STAMBP: variants seen among roughly 807,000 people sequenced by gnomAD.
STAMBP encodes STAM binding protein.
Under a neutral mutation model 50.7 loss-of-function variants are expected in STAMBP, and 31 were observed. The observed-to-expected ratio is 0.61, with a 90% CI of 0.46 to 0.83. The LOEUF (loss-of-function observed/expected upper bound fraction) is 0.83. Among genes scored for constraint, STAMBP ranks in the 40% least tolerant of loss-of-function variants. The pLI is 0.00. For missense variants in STAMBP, 472 were observed against 518.9 expected (o/e 0.91, Z 0.88); for synonymous variants, 211 against 192.4 (o/e 1.10, Z -0.80).
intron 2 of STAMBP, among the ~76,000 whole-genome samples, chr2:73,832,021 A>G (rs934972956): frequency 6.7e-6 from 1 of 149,248 alleles, no homozygotes; most frequent in African/African-American, 2.5e-5. Flanking sequence ...TTGAGATCAT[A>G]GTCATGAGCC....
intron 9 of STAMBP, among the ~76,000 whole-genome samples, chr2:73,861,069 C>G (rs1339186787): frequency 6.6e-6 from 1 of 152,132 alleles, no homozygotes; most frequent in Non-Finnish European, 1.5e-5. Context: ...TGTCTAAGTA[C>G]TAGGATGTTG....
At position 73,845,175 on chromosome 2, in the gene STAMBP, G is replaced by A. The variant is rs369268210; in HGVS notation, c.288G>A (p.Lys96=). The A allele has an allele frequency of 6.1e-5, 99 of 1,613,640 alleles. No homozygotes were observed. The highest frequency in any genetic ancestry group is 8.1e-5 in the Non-Finnish European group (96 of 1,179,744). Residue 96 remains lysine, a synonymous_variant, in exon 4 of 10, where the codon AAG becomes AAA. Coordinates refer to ENST00000394070, the MANE Select transcript of STAMBP (RefSeq NM_213622.4). ...PEKKDTVKKL[K]EIAFPKAEEL... is the part of the protein sequence containing the mutation. The stretch of plus-strand genomic sequence containing the variant: ...TCTGTTTTGTGTCTCAGAAATTAAA[G>A]GAGATTGCATTTCCCAAAGCAGAAG...
intron 9 of STAMBP, among the ~76,000 whole-genome samples, chr2:73,861,711 T>G (rs1256083171): frequency 6.9e-6 from 1 of 145,008 alleles, no homozygotes; most frequent in Non-Finnish European, 1.5e-5. Context: ...TTTTTTTTAG[T>G]AGGGTCAGGG....
At chr2:73,847,107 T>C (rs1188180980) in intron 4 of STAMBP, among the ~76,000 whole-genome samples, 1 of 147,026 alleles carries the variant, frequency 6.8e-6, no homozygotes, top group African/African-American at 2.5e-5. Context: ...AAGATTTCAG[T>C]GAAGAGGAAA....
exon 11 of STAMBP, chr2:73,873,626 GA>G (rs1387546575): frequency 6.6e-6 from 1 of 152,198 alleles, no homozygotes; most frequent in Non-Finnish European, 1.5e-5. Flanking sequence ...CCCTGTCCAA[GA>G]AAATTAAACT....
In STAMBP at chr2:73,850,399, C is replaced by T. The variant is rs150793338; in HGVS notation, c.891C>T (p.Thr297=). 1.5e-4 allele frequency: 246 copies of T among 1,612,476 alleles called. No individual in the cohort carries two copies. The highest frequency in any genetic ancestry group is 1.8e-4 in the Non-Finnish European group (216 of 1,179,452). ...AGATGAGGAATGAATTTACCATTAC[C>T]CATGTTCTCATCCCCAAGCAAAGTG... The part of the protein sequence containing the change: ...GKLMRNEFTI[T]HVLIPKQSAG... The change falls in exon 7 of 10, where the codon ACC becomes ACT. Residue 297 remains threonine, a synonymous_variant. Coordinates refer to ENST00000394070, the MANE Select transcript of STAMBP (RefSeq NM_213622.4). This position sits in a 1 kb window ranked among gnomAD's most constrained non-coding sequence, Gnocchi z 4.3.
At position 73,840,564 on chromosome 2, in the gene STAMBP, C is replaced by T. The variant is rs766699810; in HGVS notation, c.204-4249C>T. Among the ~76,000 whole-genome samples the T allele has an allele frequency of 2.6e-5, 4 of 151,286 alleles. 1 individual carries two copies. Among genetic ancestry groups the T allele is most frequent in the African/African-American group, 7.3e-5 (3 of 41,314 alleles). ...TTGGAGACCAGCCTGGTCAACATGG[C>T]GAAACCCCATCTCTACTAAAAATAC... On this transcript the variant is annotated intron_variant, in intron 2 of 9. Coordinates refer to ENST00000394070, the MANE Select transcript of STAMBP (RefSeq NM_213622.4).
intron 2 of STAMBP, among the ~76,000 whole-genome samples, chr2:73,836,015 T>A (rs1398902935): frequency 6.6e-6 from 1 of 152,150 alleles, no homozygotes; most frequent in Non-Finnish European, 1.5e-5. Flanking sequence ...AGAAATTAAT[T>A]TTATTCTTAT....
rs10193297 is a variant in STAMBP, at chr2:73,861,636, A to G, written c.1219-567A>G. On this transcript the variant is annotated intron_variant, in intron 9 of 9. Coordinates refer to ENST00000394070, the MANE Select transcript of STAMBP (RefSeq NM_213622.4). The stretch of plus-strand genomic sequence containing the variant: ...CAGGTTCAAACAATTCTGCTGCCTC[A>G]GCCTCTCGAGTAGCTGGGACTACAG... Among the ~76,000 whole-genome samples, 1,041 of 151,100 alleles carry G rather than the reference A, an allele frequency of 6.9e-3. 12 individuals carry two copies. The highest frequency in any genetic ancestry group is 0.021 in the African/African-American group (879 of 41,086).
intron 7 of STAMBP, among the ~76,000 whole-genome samples, chr2:73,856,375 C>T (rs1267486383): frequency 6.6e-6 from 1 of 152,258 alleles, no homozygotes; most frequent in African/African-American, 2.4e-5. Context: ...AAGTCCTTGA[C>T]TTCCACCATG....
At chr2:73,854,576 A>G (rs568195910) in intron 7 of STAMBP, among the ~76,000 whole-genome samples, 9 of 152,302 alleles carry the variant, frequency 5.9e-5, no homozygotes, top group Non-Finnish European at 7.3e-5. Flanking sequence ...CCTGGGCCCA[A>G]GTGATCCTCC....
rs1160540564 is a variant in STAMBP at position 73,863,449 on chromosome 2, G to A, written c.*1190G>A. 4 of 152,140 alleles carry A rather than the reference G, an allele frequency of 2.6e-5. No individual in the cohort carries two copies. The highest frequency in any genetic ancestry group is 7.2e-5 in the African/African-American group (3 of 41,422). The allele number at this position is 152,140 out of a possible 1,614,324, so 9.4% of individuals were successfully genotyped here. On this transcript the variant is annotated 3_prime_UTR_variant, in exon 10 of 10. Transcript: ENST00000394070. ...ATTCTTTATCAGAATTCTAGGTGGG[G>A]GAGGGAGAATCTGTGAATGCATAAA...
chr2:73,847,337 G>A (rs1676244034), intron 4 of STAMBP, 50 bp from the exon 5 acceptor site: 2 of 1,537,422 alleles, frequency 1.3e-6, no homozygotes, highest in Non-Finnish European at 1.7e-6. Flanking sequence ...CTCCTGAAGT[G>A]TGAAGTCACT....
intron 6 of STAMBP, among the ~76,000 whole-genome samples, chr2:73,849,863 G>C (rs1676590707): frequency 6.6e-6 from 1 of 152,172 alleles, no homozygotes; most frequent in South Asian, 2.1e-4. Context: ...ATGCACTAAA[G>C]TCTAACCAGC....
chr2:73,839,981 T>TG (rs1207468513), intron 2 of STAMBP, among the ~76,000 whole-genome samples: 4 of 152,326 alleles, frequency 2.6e-5, no homozygotes, highest in Non-Finnish European at 5.9e-5. Context: ...CTTACTCAAA[T>TG]GCCTCCTTCT....
downstream of STAMBP, among the ~76,000 whole-genome samples, chr2:73,871,207 T>C (rs1319340814): frequency 6.6e-6 from 1 of 152,192 alleles, no homozygotes; most frequent in Non-Finnish European, 1.5e-5. Flanking sequence ...AGCTGGCCTA[T>C]GAGGAAACCA....
At chr2:73,839,981 T>C (rs75032895) in intron 2 of STAMBP, among the ~76,000 whole-genome samples, 3,072 of 152,318 alleles carry the variant, frequency 0.02, 105 homozygotes, top group African/African-American at 0.067. Context: ...CTTACTCAAA[T>C]GCCTCCTTCT....
chr2:73,847,896 G>T (rs779363809), intron 5 of STAMBP, 143 bp downstream of exon 5: 1 of 1,116,856 alleles, frequency 9.0e-7, no homozygotes, highest in Non-Finnish European at 1.3e-6. Flanking sequence ...TTGCTGTACT[G>T]TGTCCTAATA....
Position 73,847,579 on chromosome 2 carries a change from C to G in STAMBP, c.568C>G (p.Pro190Ala). 6.2e-7 allele frequency: 1 copy of G among 1,614,072 alleles called. No homozygotes were observed. The highest frequency in any genetic ancestry group is 1.3e-5 in the African/African-American group (1 of 75,026). The stretch of plus-strand genomic sequence containing the variant: ...TGTACAGGAGTTTGGGAAGGTAGAC[C>G]CTGGCCTAGGTGGCCCGCTAGTGCC... Reference protein sequence around the residue: ...KIVQEFGKVDPGLGGPLVPDL... With the variant: ...KIVQEFGKVDAGLGGPLVPDL... The change falls in exon 5 of 10, where the codon CCT (proline) becomes GCT (alanine). Residue 190 changes from proline (P) to alanine (A), a missense_variant. Transcript: ENST00000394070.
Sources: gnomAD v4.1 joint callset for allele counts (sites outside exome capture counted in the v4.1 genomes callset) on GRCh38, gnomAD v4.1.1 for gene constraint, Gnocchi (gnomAD v3.1) non-coding constraint, MANE v1.5 for transcripts, NCBI Gene and HGNC (gene_info 2026-07-23, HGNC 2026-07-21) for gene names.